CAMKK1: variants seen among roughly 807,000 people sequenced by gnomAD.
The protein encoded by CAMKK1 is calcium/calmodulin dependent protein kinase kinase 1, also known as calcium/calmodulin-dependent protein kinase kinase 1.
CAMKK1 carries 20 observed loss-of-function variants against 63.5 expected under a neutral mutation model. The observed-to-expected ratio is 0.32, with a 90% CI of 0.22 to 0.46. The LOEUF is 0.46. Among genes scored for constraint, CAMKK1 ranks in the 20% least tolerant of loss-of-function variants. The pLI, the probability that CAMKK1 is intolerant of heterozygous loss-of-function variation, is 1.00. For missense variants in CAMKK1, 588 were observed against 658.1 expected, an observed-to-expected ratio of 0.89 and a Z score of 1.17; for synonymous variants, 253 against 269.0, an observed-to-expected ratio of 0.94 and a Z score of 0.58.
At position 3,889,803 on chromosome 17, in the gene CAMKK1, G is replaced by A. The variant is rs922185326; in HGVS notation, c.-44+3136C>T. Among the ~76,000 whole-genome samples the A allele has an allele frequency of 9.2e-5, 14 of 152,048 alleles. No individual in the cohort carries two copies. The highest frequency in any genetic ancestry group is 2.0e-4 in the Admixed American group (3 of 15,272). On this transcript the variant is annotated intron_variant, in intron 1 of 15. Transcript: ENST00000348335. The surrounding 1 kb of genome is among the most constrained non-coding windows in gnomAD (Gnocchi z 5.2). ...GGAATGTGGGCCCCCGGCTCCAGAC[G>A]CCCACTTGGCCTGGCTTCTTCCACA...
Position 3,871,568 on chromosome 17 carries a change from G to A in CAMKK1, c.1124+986C>T, listed in dbSNP as rs533937236. Among the ~76,000 whole-genome samples the A allele has an allele frequency of 6.7e-5, 10 of 149,880 alleles. No individual in the cohort carries two copies. The East Asian group carries it at 7.8e-4, about 12-fold the overall frequency. On this transcript the variant is annotated intron_variant, in intron 12 of 15. Transcript: ENST00000348335. ...AGATGGGGTTTCACCGTGTTAGCCA[G>A]GATGGTCTCGATCTCCTGACCTCGT...
Position 3,884,614 on chromosome 17 carries a change from G to A in CAMKK1, c.361-187C>T, listed in dbSNP as rs564128634. On this transcript the variant is annotated intron_variant, in intron 2 of 15. Coordinates refer to ENST00000348335, the MANE Select transcript of CAMKK1 (RefSeq NM_032294.3). The surrounding 1 kb of genome is among the most constrained non-coding windows in gnomAD (Gnocchi z 4.5). Reference sequence around the variant, plus strand: ...TCGCCCCCGTATGTGACGAGAAGACGTGGCTCATGTTTGAAAACATGGATG... The same window carrying A: ...TCGCCCCCGTATGTGACGAGAAGACATGGCTCATGTTTGAAAACATGGATG... 4.6e-5 allele frequency among the ~76,000 whole-genome samples: 7 copies of A among 152,324 alleles called. No individual in the cohort carries two copies. In the South Asian group the frequency reaches 1.0e-3, roughly 23 times the overall value.
rs773078086 is a variant in CAMKK1 at position 3,885,486 on chromosome 17, G to C, written c.202C>G (p.Leu68Val). The change falls in exon 2 of 16, where the codon CTC (leucine) becomes GTC (valine). Residue 68 changes from leucine (L) to valine (V), a missense_variant. By Grantham distance (32) the Leu-to-Val change is conservative (BLOSUM62 1). Transcript: ENST00000348335. ...TGTAGGGAAAGCTTCCTGGCTGAGA[G>C]GCTAGGCCGGGCTGGGAGCAGTCTT... ...TSRLLPARPS[L>V]SARKLSLQER... 3.7e-6 allele frequency: 6 copies of C among 1,613,406 alleles called. No individual in the cohort carries two copies. In the South Asian group the frequency reaches 4.4e-5, roughly 12 times the overall value.
intron 10 of CAMKK1, among the ~76,000 whole-genome samples, chr17:3,875,718 T>C (rs575371500): frequency 6.6e-6 from 1 of 152,282 alleles, no homozygotes; most frequent in Non-Finnish European, 1.5e-5. Flanking sequence ...TGTAACCTCT[T>C]GTTCAGACAA....
At chr17:3,871,709 C>T (rs1332200248) in intron 12 of CAMKK1, among the ~76,000 whole-genome samples, 2 of 140,502 alleles carry the variant, frequency 1.4e-5, no homozygotes, top group South Asian at 2.2e-4. Flanking sequence ...CTTGCTCTGT[C>T]GCCCAGGCTC....
At chr17:3,866,178 G>A (rs1658001932) in intron 14 of CAMKK1, among the ~76,000 whole-genome samples, 167 bp from the exon 15 acceptor site, 1 of 152,232 alleles carries the variant, frequency 6.6e-6, no homozygotes, top group African/African-American at 2.4e-5. Flanking sequence ...CTGGCAGCTG[G>A]GGGCATATTC....
At position 3,890,783 on chromosome 17, in the gene CAMKK1, C is replaced by T. The variant is rs2055872296; in HGVS notation, c.-44+2156G>A. 1.3e-6 allele frequency: 1 copy of T among 779,796 alleles called. No individual in the cohort carries two copies. Among genetic ancestry groups the T allele is most frequent in the Non-Finnish European group, 2.4e-6 (1 of 417,956 alleles). 48.3% of individuals were successfully genotyped at this position (779,796 alleles called of 1,614,324 possible). On this transcript the variant is annotated intron_variant, in intron 1 of 15. Transcript: ENST00000348335. This position sits in a 1 kb window ranked among gnomAD's most constrained non-coding sequence, Gnocchi z 6.5. ...CAAGCTGTGCCTTCTGCCAGGAACA[C>T]ACCTCCCTCTCCTCTGCTGCCTGGA...
At chr17:3,870,757 G>A (rs1411002798) in intron 12 of CAMKK1, among the ~76,000 whole-genome samples, 1 of 152,128 alleles carries the variant, frequency 6.6e-6, no homozygotes, top group Admixed American at 6.5e-5. Flanking sequence ...GTTGACTTCG[G>A]TTCCCCCTGT....
At chr17:3,873,162 G>A (rs1254866242) in intron 11 of CAMKK1, among the ~76,000 whole-genome samples, 1 of 152,214 alleles carries the variant, frequency 6.6e-6, no homozygotes, top group African/African-American at 2.4e-5. Context: ...GAGCACTCTG[G>A]CTGGGGCGGT....
chr17:3,877,504 C>T (rs368874191), intron 9 of CAMKK1, among the ~76,000 whole-genome samples: 9 of 152,306 alleles, frequency 5.9e-5, no homozygotes, highest in South Asian at 2.1e-4. Flanking sequence ...CCGCGACCAT[C>T]GACCTGTGGG....
chr17:3,868,271 C>T lies in CAMKK1; in HGVS notation c.1341+1216G>A, dbSNP rs111787097. On this transcript the variant is annotated intron_variant, in intron 14 of 15. Coordinates refer to ENST00000348335, the MANE Select transcript of CAMKK1 (RefSeq NM_032294.3). ...TGGGCTCTGGGGGAGAAGCAGGCGC[C>T]GTCTAACTGATACGTGGGCACGGGG... Among the ~76,000 whole-genome samples, 292 of 97,962 alleles carry T rather than the reference C, an allele frequency of 3.0e-3. 13 individuals carry two copies. Among genetic ancestry groups the T allele is most frequent in the Middle Eastern group, 6.8e-3 (1 of 146 alleles). 64.3% of individuals were successfully genotyped at this position (97,962 alleles called of 152,430 possible). A position where few individuals can be genotyped will look rare whatever the true frequency, so the allele number is the denominator to read the frequency against.
intron 8 of CAMKK1, 140 bp downstream of exon 8, chr17:3,881,487 T>C (rs1407013987): frequency 1.4e-6 from 1 of 713,300 alleles, no homozygotes; most frequent in Non-Finnish European, 2.3e-6. Context: ...GTCCTCTTGG[T>C]CTCTTATTTA....
At chr17:3,881,512 G>A (rs1739012826) in intron 8 of CAMKK1, 115 bp downstream of exon 8, 2 of 986,648 alleles carry the variant, frequency 2.0e-6, no homozygotes, top group African/African-American at 1.6e-5. Flanking sequence ...TAAGGGCAGG[G>A]CCTCCGTCTC....
Position 3,890,686 on chromosome 17 carries a change from C to A in CAMKK1, c.-44+2253G>T, listed in dbSNP as rs775672196. 7 of 779,706 alleles carry A rather than the reference C, an allele frequency of 9.0e-6. No homozygotes were observed. Among genetic ancestry groups the A allele is most frequent in the Non-Finnish European group, 1.7e-5 (7 of 417,980 alleles). The allele number at this position is 779,706 out of a possible 1,614,324, so 48.3% of individuals were successfully genotyped here. ...CCCACCCTTGCTCCCCACAACCCCA[C>A]ACTTACTCTCCACTGCAGCCACACC... On this transcript the variant is annotated intron_variant, in intron 1 of 15. Coordinates refer to ENST00000348335, the MANE Select transcript of CAMKK1 (RefSeq NM_032294.3). This position sits in a 1 kb window ranked among gnomAD's most constrained non-coding sequence, Gnocchi z 6.5.
rs778144436 is a variant in CAMKK1 at position 3,871,521 on chromosome 17, ATTT to A, written c.1124+1030_1124+1032del. ...AGGCACCCGCCACCACGCCCGGCTAATTTTTTTTCTATTTTTAGTAGAGATGGG... is the reference window on the plus strand; with the variant it reads ...AGGCACCCGCCACCACGCCCGGCTAATTTTTCTATTTTTAGTAGAGATGGG... On this transcript the variant is annotated intron_variant, in intron 12 of 15. Coordinates refer to ENST00000348335, the MANE Select transcript of CAMKK1 (RefSeq NM_032294.3). Among the ~76,000 whole-genome samples the A allele has an allele frequency of 2.4e-3, 352 of 143,784 alleles. 5 individuals are homozygous for A. Among genetic ancestry groups the A allele is most frequent in the African/African-American group, 8.5e-3 (318 of 37,386 alleles). The allele number at this position is 143,784 out of a possible 152,430, so 94.3% of individuals were successfully genotyped here. A position where few individuals can be genotyped will look rare whatever the true frequency, so the allele number is the denominator to read the frequency against.
chr17:3,867,808 G>A (rs897445654), intron 14 of CAMKK1, among the ~76,000 whole-genome samples: 1 of 152,162 alleles, frequency 6.6e-6, no homozygotes, highest in Non-Finnish European at 1.5e-5. Flanking sequence ...TTGACTGTCA[G>A]GCAGGGGCAG....
At chr17:3,865,306 G>A (rs1333799646) in intron 15 of CAMKK1, 18 of 986,622 alleles carry the variant, frequency 1.8e-5, no homozygotes, top group Non-Finnish European at 2.2e-5. Context: ...CGGCCAATGC[G>A]GGTTCCTCTC....
At chr17:3,864,271 G>T (rs189391495) in intron 15 of CAMKK1, among the ~76,000 whole-genome samples, 7 of 150,608 alleles carry the variant, frequency 4.6e-5, no homozygotes, top group African/African-American at 1.7e-4. Context: ...TTTTGAGACG[G>T]AGTCTCACTC....
At position 3,885,344 on chromosome 17, in the gene CAMKK1, G is replaced by T; in HGVS notation, c.344C>A (p.Ala115Asp). The T allele has an allele frequency of 6.3e-7, 1 of 1,597,114 alleles. No homozygotes were observed. The highest frequency in any genetic ancestry group is 8.6e-7 in the Non-Finnish European group (1 of 1,169,338). ...CCCACCAACCTCTGCATCTGAGATG[G>T]CCACGTGGTGGGACTCGATGGTGGG... ...RRPTIESHHV[A>D]ISDAEDCVQL... is the part of the protein sequence containing the mutation. The change falls in exon 2 of 16, where the codon GCC becomes GAC. Residue 115 changes from alanine (A) to aspartate (D), a missense_variant. Physicochemically the swap from Ala to Asp is moderately radical, Grantham distance 126 (BLOSUM62 -2). This residue lies in a region of CAMKK1 where 357 missense variants were observed against 407.4 expected (regional missense o/e 0.88). Coordinates refer to ENST00000348335, the MANE Select transcript of CAMKK1 (RefSeq NM_032294.3).
Sources: allele counts gnomAD v4.1 joint callset (sites outside exome capture counted in the v4.1 genomes callset), GRCh38; gene constraint gnomAD v4.1.1; regional missense constraint gnomAD v4.1.1; non-coding constraint Gnocchi (gnomAD v3.1); transcripts MANE v1.5; gene names NCBI Gene and HGNC (gene_info 2026-07-23, HGNC 2026-07-21).